HK2: variants seen among roughly 807,000 people sequenced by gnomAD.
HK2 encodes the protein hexokinase 2.
Under a neutral mutation model 92.9 loss-of-function variants are expected in HK2, and 42 were observed. The observed-to-expected ratio is 0.45, with a 90% confidence interval of 0.35 to 0.58. The LOEUF (loss-of-function observed/expected upper bound fraction) is 0.58, where lower values mean the gene tolerates loss of function less well. Among genes scored for constraint, HK2 ranks in the 20% least tolerant of loss-of-function variants. The pLI, the probability that HK2 is intolerant of heterozygous loss-of-function variation, is 0.00. For missense variants in HK2, 978 were observed against 1,245.1 expected (o/e 0.79, Z 3.23); for synonymous variants, 422 against 468.0 (o/e 0.90, Z 1.27).
At chr2:74,878,660 G>A (rs1390267633) in intron 8 of HK2, 28 bp from the exon 9 acceptor site, 1 of 1,544,588 alleles carries the variant, frequency 6.5e-7, no homozygotes, top group Non-Finnish European at 8.9e-7. Context: ...TCAGACACAG[G>A]CCCACATGCT....
chr2:74,880,140 G>T (rs1689345030), intron 9 of HK2, 125 bp from the exon 10 acceptor site: 1 of 998,856 alleles, frequency 1.0e-6, no homozygotes. Flanking sequence ...GGATGTTTAG[G>T]GCAGCACCCA....
intron 1 of HK2, among the ~76,000 whole-genome samples, chr2:74,847,282 T>C (rs146509457): frequency 1.1e-3 from 165 of 152,320 alleles, no homozygotes; most frequent in African/African-American, 3.9e-3. Flanking sequence ...TCATGTATTA[T>C]GTATTTTCTG....
Position 74,853,474 on chromosome 2 carries a change from G to A in HK2, c.64-819G>A, listed in dbSNP as rs28746192. Among the ~76,000 whole-genome samples the A allele has an allele frequency of 4.0e-5, 6 of 151,766 alleles. No homozygotes were observed. The East Asian group carries it at 7.7e-4, about 20-fold the overall frequency. On this transcript the variant is annotated intron_variant, in intron 1 of 17. Coordinates refer to ENST00000290573, the MANE Select transcript of HK2 (RefSeq NM_000189.5). ...AGAGGTTGCAGTGAGTCGAGATTGC[G>A]CCACTCTACTCCAGCCTGGGTGACA... is the stretch of plus-strand genomic sequence containing the variant.
intron 2 of HK2, among the ~76,000 whole-genome samples, chr2:74,865,882 G>A (rs980645193): frequency 2.6e-5 from 4 of 152,092 alleles, no homozygotes; most frequent in Non-Finnish European, 5.9e-5. Context: ...AGTGTGTCCT[G>A]AGTTCTTGGT....
rs1397653036 is a variant in HK2 at position 74,893,115 on chromosome 2, G to A, written c.*2174G>A. 6.6e-6 allele frequency: 1 copy of A among 151,244 alleles called. No individual in the cohort carries two copies. Among genetic ancestry groups the A allele is most frequent in the Non-Finnish European group, 1.5e-5 (1 of 67,924 alleles). The allele number at this position is 151,244 out of a possible 1,614,324, so 9.4% of individuals were successfully genotyped here. On this transcript the variant is annotated 3_prime_UTR_variant, in exon 18 of 18. Coordinates refer to ENST00000290573, the MANE Select transcript of HK2 (RefSeq NM_000189.5). The stretch of plus-strand genomic sequence containing the variant: ...TGTTGGTTTCCAAAAAGGAACACTG[G>A]AAAATAAATTTTGAATGTTTATGTT...
At chr2:74,863,320 C>T (rs1324648340) in intron 2 of HK2, among the ~76,000 whole-genome samples, 1 of 152,228 alleles carries the variant, frequency 6.6e-6, no homozygotes, top group Non-Finnish European at 1.5e-5. Flanking sequence ...AATAAGCATT[C>T]TGTTGCTTAA....
rs573409183 is a variant in HK2 at position 74,859,457 on chromosome 2, C to T, written c.226+5002C>T. On this transcript the variant is annotated intron_variant, in intron 2 of 17. Coordinates refer to ENST00000290573, the MANE Select transcript of HK2 (RefSeq NM_000189.5). The stretch of plus-strand genomic sequence containing the variant: ...ATCCCAGCACTTTGGGAGGCTGAGG[C>T]GGGCAGATCACAAGGTCAGGAGATC... Among the ~76,000 whole-genome samples, 11 of 152,090 alleles carry T rather than the reference C, an allele frequency of 7.2e-5. No individual in the cohort carries two copies. The South Asian group carries it at 1.2e-3, about 17-fold the overall frequency.
intron 1 of HK2, among the ~76,000 whole-genome samples, chr2:74,851,824 C>T (rs1265178588): frequency 2.0e-5 from 3 of 152,202 alleles, no homozygotes; most frequent in Admixed American, 6.5e-5. Context: ...GTGCCTCACT[C>T]TCCACTGCGT....
chr2:74,836,578 C>T lies in HK2; in HGVS notation c.63+1935C>T, dbSNP rs373950089. Among the ~76,000 whole-genome samples the T allele has an allele frequency of 7.9e-5, 12 of 152,328 alleles. No homozygotes were observed. The South Asian group carries it at 8.3e-4, about 11-fold the overall frequency. ...TAGGTTTTCTCTACCCTTGCAGCCA[C>T]CTGTCAGTTTGAGAAGTGTCCCTGA... is the stretch of plus-strand genomic sequence containing the variant. On this transcript the variant is annotated intron_variant, in intron 1 of 17. Coordinates refer to ENST00000290573, the MANE Select transcript of HK2 (RefSeq NM_000189.5).
At chr2:74,843,835 T>C (rs1688371694) in intron 1 of HK2, among the ~76,000 whole-genome samples, 1 of 152,226 alleles carries the variant, frequency 6.6e-6, no homozygotes, top group African/African-American at 2.4e-5. Flanking sequence ...GGACTTCCTC[T>C]TCCTGCTTCC....
intron 7 of HK2, among the ~76,000 whole-genome samples, chr2:74,876,576 C>T (rs1199367040): frequency 2.0e-5 from 3 of 152,160 alleles, no homozygotes; most frequent in Non-Finnish European, 4.4e-5. Flanking sequence ...ACTCCCAGAC[C>T]CCTGAGACCT....
intron 1 of HK2, among the ~76,000 whole-genome samples, chr2:74,843,384 TC>T (rs959196694): frequency 6.8e-4 from 103 of 152,298 alleles, no homozygotes; most frequent in African/African-American, 2.4e-3. Context: ...CGTTGCCTTA[TC>T]CACGTCAGGA....
intron 3 of HK2, 134 bp downstream of exon 3, chr2:74,867,918 T>C (rs982315752): frequency 1.0e-6 from 1 of 999,956 alleles, no homozygotes; most frequent in African/African-American, 1.6e-5. Context: ...AGCACAGCTG[T>C]AAGGGCTCCC....
chr2:74,882,282 ACT>A, intron 12 of HK2, 43 bp downstream of exon 12: 1 of 1,612,468 alleles, frequency 6.2e-7, no homozygotes, highest in Non-Finnish European at 8.5e-7. Context: ...GGCTTTATTG[ACT>A]CTAAACAAAA....
chr2:74,874,421 A>C lies in HK2; in HGVS notation c.847A>C (p.Met283Leu). Residue 283 changes from methionine (M) to leucine (L), a missense_variant, in exon 7 of 18, where the codon ATG (methionine) becomes CTG (leucine). Physicochemically the swap from Met to Leu is conservative, Grantham distance 15 (BLOSUM62 2). This residue lies in a region of HK2 where 742 missense variants were observed against 922.5 expected (regional missense o/e 0.80). Transcript: ENST00000290573. ...CACTGAGTTTGACCAGGAGATTGAC[A>C]TGGGCTCACTGAACCCGGGAAAGCA... ...IRTEFDQEID[M>L]GSLNPGKQLF... is the part of the protein sequence containing the mutation. The C allele has an allele frequency of 1.2e-6, 2 of 1,610,180 alleles. No individual in the cohort carries two copies. Among genetic ancestry groups the C allele is most frequent in the Non-Finnish European group, 8.5e-7 (1 of 1,177,770 alleles).
chr2:74,876,689 T>C (rs1330852617), intron 7 of HK2, among the ~76,000 whole-genome samples: 1 of 152,216 alleles, frequency 6.6e-6, no homozygotes, highest in East Asian at 1.9e-4. Context: ...CACCATTTTC[T>C]CTGGAGCCCA....
chr2:74,869,322 A>C (rs1360830902), intron 3 of HK2, among the ~76,000 whole-genome samples: 1 of 152,242 alleles, frequency 6.6e-6, no homozygotes, highest in East Asian at 1.9e-4. Context: ...AAAAAGGCTG[A>C]AAGGAAGTTC....
intron 1 of HK2, 101 bp from the exon 2 acceptor site, chr2:74,854,192 G>T: frequency 9.1e-7 from 1 of 1,096,484 alleles, no homozygotes; most frequent in African/African-American, 1.5e-5. Flanking sequence ...GTACATAACA[G>T]ATTTTGTTCT....
intron 1 of HK2, among the ~76,000 whole-genome samples, chr2:74,840,712 A>T (rs1362664384): frequency 3.9e-4 from 2 of 5,132 alleles, no homozygotes; most frequent in African/African-American, 3.6e-3. Flanking sequence ...CTAAAAATAC[A>T]AAAAAAAAAA....
Sources: allele counts gnomAD v4.1 joint callset (sites outside exome capture counted in the v4.1 genomes callset), GRCh38; gene constraint gnomAD v4.1.1; regional missense constraint gnomAD v4.1.1; transcripts MANE v1.5; gene names NCBI Gene and HGNC (gene_info 2026-07-23, HGNC 2026-07-21).